PLCL2: variants seen among roughly 807,000 people sequenced by gnomAD.
The protein encoded by PLCL2 is phospholipase C like 2.
A neutral mutation model predicts 79.6 loss-of-function variants in PLCL2; 4 were observed. The ratio of observed to expected loss-of-function variants is 0.05; its 90% CI spans 0.02 to 0.11. PLCL2 has a LOEUF of 0.11. PLCL2 is among the 10% of genes least tolerant of loss of function. The pLI, the probability that PLCL2 is intolerant of heterozygous loss-of-function variation, is 1.00. For missense variants in PLCL2, 895 were observed against 1,291.0 expected (o/e 0.69, Z 4.70); for synonymous variants, 484 against 457.7 (o/e 1.06, Z -0.73).
Position 17,010,503 on chromosome 3 carries a change from AC to A in PLCL2, c.1158del (p.His386GlnfsTer17). On this transcript the variant is annotated frameshift_variant, in exon 2 of 6. Transcript: ENST00000615277. LOFTEE classifies it high-confidence loss of function. This position sits in a 1 kb window ranked among gnomAD's most constrained non-coding sequence, Gnocchi z 5.8. The part of the protein sequence containing the change: ...INEEISLEII[H>X]KYEPSKEGQE... The stretch of plus-strand genomic sequence containing the variant: ...GAGGAAATAAGCCTTGAAATTATTC[AC>A]AAATATGAACCATCCAAAGAGGGTC... 1 of 1,614,094 alleles carries A rather than the reference AC, an allele frequency of 6.2e-7. No homozygotes were observed. Among genetic ancestry groups the A allele is most frequent in the Non-Finnish European group, 8.5e-7 (1 of 1,179,970 alleles).
intron 2 of PLCL2, among the ~76,000 whole-genome samples, chr3:17,014,396 A>G (rs993284854): frequency 6.6e-6 from 1 of 152,152 alleles, no homozygotes; most frequent in African/African-American, 2.4e-5. Flanking sequence ...CTGTTTGCTC[A>G]TAGTTGCATA....
intron 1 of PLCL2, among the ~76,000 whole-genome samples, chr3:16,964,960 T>C (rs2063791798): frequency 6.6e-6 from 1 of 151,882 alleles, no homozygotes; most frequent in Non-Finnish European, 1.5e-5. Context: ...TGTTCTCCCA[T>C]TCTGTAGGTT....
intron 5 of PLCL2, chr3:17,081,375 C>G: frequency 2.5e-6 from 1 of 398,708 alleles, no homozygotes; most frequent in South Asian, 1.8e-5. Context: ...ACACAGGTGG[C>G]AGAGGGCAGG....
chr3:16,947,661 A>C (rs1448685592), intron 1 of PLCL2, among the ~76,000 whole-genome samples: 1 of 152,178 alleles, frequency 6.6e-6, no homozygotes, highest in Non-Finnish European at 1.5e-5. Flanking sequence ...CCAAGTCAGA[A>C]AAGAAACTAC....
At chr3:17,064,399 A>G (rs1486740007) in intron 4 of PLCL2, among the ~76,000 whole-genome samples, 9 of 152,166 alleles carry the variant, frequency 5.9e-5, no homozygotes. Flanking sequence ...TATTTTACAC[A>G]TATGATTATA....
chr3:16,916,574 A>G (rs1292973112), intron 1 of PLCL2, among the ~76,000 whole-genome samples: 1 of 152,214 alleles, frequency 6.6e-6, no homozygotes, highest in East Asian at 1.9e-4. Context: ...TGTCAAAGAA[A>G]ATATTCTAAA....
rs1460202820 is a variant in PLCL2, at chr3:16,887,798, A to T, written c.327+2432A>T. ...CAGAAATTATGTTTCACTTTTGTTTAAAAAAAAAAAGAATAAAAAGCTAAA... is the reference window on the plus strand; with the variant it reads ...CAGAAATTATGTTTCACTTTTGTTTTAAAAAAAAAAGAATAAAAAGCTAAA... On this transcript the variant is annotated intron_variant, in intron 1 of 5. Transcript: ENST00000615277. This position sits in a 1 kb window ranked among gnomAD's most constrained non-coding sequence, Gnocchi z 4.1. 6.9e-6 allele frequency among the ~76,000 whole-genome samples: 1 copy of T among 144,338 alleles called. No individual in the cohort carries two copies. Among genetic ancestry groups the T allele is most frequent in the Non-Finnish European group, 1.5e-5 (1 of 66,278 alleles). 94.7% of individuals were successfully genotyped at this position (144,338 alleles called of 152,430 possible). A position where few individuals can be genotyped will look rare whatever the true frequency, so the allele number is the denominator to read the frequency against.
chr3:16,909,594 T>C (rs1225332985), intron 1 of PLCL2, among the ~76,000 whole-genome samples: 1 of 152,208 alleles, frequency 6.6e-6, no homozygotes, highest in African/African-American at 2.4e-5. Context: ...GAATATTAAC[T>C]TGTATGTGTC....
chr3:16,925,517 C>G (rs1697226794), intron 1 of PLCL2, among the ~76,000 whole-genome samples: 1 of 152,180 alleles, frequency 6.6e-6, no homozygotes, highest in African/African-American at 2.4e-5. Flanking sequence ...TTTCATGTCT[C>G]TTTTCATACC....
chr3:17,021,251 A>T (rs761741267), intron 3 of PLCL2, among the ~76,000 whole-genome samples: 8 of 152,168 alleles, frequency 5.3e-5, no homozygotes, highest in Non-Finnish European at 1.2e-4. Context: ...CTGTTGTTTA[A>T]TCTGATGACT....
intron 1 of PLCL2, among the ~76,000 whole-genome samples, chr3:16,911,645 C>T (rs1696884639): frequency 6.6e-6 from 1 of 152,218 alleles, no homozygotes; most frequent in Non-Finnish European, 1.5e-5. Context: ...TCCCAGAGTT[C>T]ATGCAGTCAC....
At chr3:16,959,468 T>C (rs970295785) in intron 1 of PLCL2, among the ~76,000 whole-genome samples, 1 of 152,200 alleles carries the variant, frequency 6.6e-6, no homozygotes, top group African/African-American at 2.4e-5. Flanking sequence ...CTTGTGGCTT[T>C]TATCGCATTA....
At chr3:17,025,549 C>G (rs886079628) in intron 3 of PLCL2, among the ~76,000 whole-genome samples, 1 of 152,118 alleles carries the variant, frequency 6.6e-6, no homozygotes, top group African/African-American at 2.4e-5. Flanking sequence ...TAAAATGAAG[C>G]TATTGAAATA....
intron 1 of PLCL2, among the ~76,000 whole-genome samples, chr3:16,937,185 C>T (rs866536637): frequency 1.3e-5 from 2 of 152,124 alleles, no homozygotes; most frequent in Admixed American, 6.5e-5. Context: ...TTGGTCAGAT[C>T]GGAGTTTGTA....
intron 1 of PLCL2, among the ~76,000 whole-genome samples, chr3:16,954,129 A>C (rs1243391428): frequency 6.6e-6 from 1 of 151,938 alleles, no homozygotes. Flanking sequence ...GCACCCATTA[A>C]CTCGCCATTT....
Position 16,885,098 on chromosome 3 carries a change from C to G in PLCL2, c.59C>G (p.Pro20Arg), listed in dbSNP as rs1282017361. 4 of 444,832 alleles carry G rather than the reference C, an allele frequency of 9.0e-6. No homozygotes were observed. The highest frequency in any genetic ancestry group is 3.6e-5 in the East Asian group (1 of 28,062). 27.6% of individuals were successfully genotyped at this position (444,832 alleles called of 1,614,324 possible). ...AGGALPTSPG[P>R]ALGAKGALKA... is the part of the protein sequence containing the mutation. ...GGGGCCCTGCCCACCTCCCCGGGCC[C>G]GGCCCTCGGCGCCAAGGGCGCCCTG... The change falls in exon 1 of 6, where the codon CCG (proline) becomes CGG (arginine). Residue 20 changes from proline to arginine, a missense_variant. By Grantham distance (103) the Pro-to-Arg change is moderately radical. Transcript: ENST00000615277.
intron 3 of PLCL2, among the ~76,000 whole-genome samples, chr3:17,015,716 C>G (rs1250395889): frequency 2.0e-5 from 3 of 152,306 alleles, no homozygotes; most frequent in East Asian, 3.9e-4. Context: ...GCTACCTCCT[C>G]CACTCCAAAA....
intron 1 of PLCL2, among the ~76,000 whole-genome samples, chr3:16,997,212 A>C (rs1239537492): frequency 6.6e-6 from 1 of 152,236 alleles, no homozygotes; most frequent in African/African-American, 2.4e-5. Context: ...GTCCGGCCAG[A>C]GGCTATAGAA....
At chr3:16,968,180 A>C (rs189499156) in intron 1 of PLCL2, among the ~76,000 whole-genome samples, 21 of 152,104 alleles carry the variant, frequency 1.4e-4, no homozygotes, top group African/African-American at 4.8e-4. Context: ...GTATAGTTTG[A>C]AGTTAGGTAA....
Sources: allele counts gnomAD v4.1 joint callset (sites outside exome capture counted in the v4.1 genomes callset), GRCh38; gene constraint gnomAD v4.1.1; non-coding constraint Gnocchi (gnomAD v3.1); transcripts MANE v1.5; gene names NCBI Gene and HGNC (gene_info 2026-07-23, HGNC 2026-07-21).